Variants in COL4A6 observed in about 807,000 individuals in gnomAD.
The protein encoded by COL4A6 is collagen alpha-6(IV) chain.
Under a neutral mutation model 126.7 loss-of-function variants are expected in COL4A6, and 59 were observed. The ratio of observed to expected loss-of-function variants is 0.47; its 90% CI spans 0.38 to 0.58. The LOEUF is 0.58. Ranked by LOEUF, COL4A6 falls within the 20% of genes least tolerant of loss-of-function variation. The pLI is 0.00. For missense variants in COL4A6, 1,285 were observed against 1,337.3 expected (o/e 0.96, Z 0.61); for synonymous variants, 547 against 496.6 (o/e 1.10, Z -1.35).
intron 7 of COL4A6, 128 bp from the exon 8 acceptor site, chrX:108,210,132 G>T: frequency 1.6e-6 from 1 of 608,555 alleles, no homozygotes; most frequent in Non-Finnish European, 2.5e-6. Flanking sequence ...TCAAAGTCTT[G>T]TGTTTTAAAT....
chrX:108,341,507 C>T (rs1264659853), intron 2 of COL4A6, among the ~76,000 whole-genome samples: 1 of 110,941 alleles, frequency 9.0e-6, no homozygotes, highest in African/African-American at 3.3e-5. Flanking sequence ...TTTCTTTTGG[C>T]TCTCATTCTC....
At chrX:108,412,791 A>T (rs1746039837) in intron 2 of COL4A6, among the ~76,000 whole-genome samples, 1 of 112,242 alleles carries the variant, frequency 8.9e-6, no homozygotes, top group Non-Finnish European at 1.9e-5. Flanking sequence ...TAACAAAGGC[A>T]TTTCCCTGAC....
At chrX:108,423,745 T>C (rs1300827371) in intron 2 of COL4A6, among the ~76,000 whole-genome samples, 2 of 112,106 alleles carry the variant, frequency 1.8e-5, no homozygotes, top group Non-Finnish European at 3.8e-5. Flanking sequence ...TAATTTTTTG[T>C]ACATATAACT....
intron 2 of COL4A6, among the ~76,000 whole-genome samples, chrX:108,410,302 C>T (rs2041300818): frequency 9.9e-5 from 11 of 111,664 alleles, no homozygotes; most frequent in Admixed American, 9.5e-4. Flanking sequence ...ATTTATTGAA[C>T]ACCTACTCTG....
At chrX:108,376,033 T>G (rs1389196359) in intron 2 of COL4A6, among the ~76,000 whole-genome samples, 3 of 112,219 alleles carry the variant, frequency 2.7e-5, no homozygotes, top group Non-Finnish European at 5.6e-5. Flanking sequence ...AATATTAACT[T>G]ACATCTTTTT....
intron 18 of COL4A6, among the ~76,000 whole-genome samples, chrX:108,191,922 T>G: frequency 2.7e-5 from 3 of 112,109 alleles, no homozygotes. Flanking sequence ...CTGGTGGCTT[T>G]AAAAGTAAAA....
Position 108,169,549 on chromosome X carries a change from T to C in COL4A6, c.3637A>G (p.Ile1213Val), listed in dbSNP as rs753895195. Residue 1213 changes from isoleucine to valine, a missense_variant, in exon 37 of 45, where the codon ATT becomes GTT. Coordinates refer to ENST00000334504, the MANE Select transcript of COL4A6 (RefSeq NM_033641.4). Reference protein sequence around the residue: ...GPKGEKGYPGIGIGAPGKPGL... With the variant: ...GPKGEKGYPGVGIGAPGKPGL... ...GGCTTCCCTGGAGCTCCGATGCCAA[T>C]TCCTGGATATCCTTTTTCTCCTTTG... The C allele has an allele frequency of 1.7e-6, 2 of 1,211,594 alleles. No homozygotes were observed. Among genetic ancestry groups the C allele is most frequent in the Admixed American group, 4.3e-5 (2 of 46,040 alleles).
chrX:108,338,779 C>T (rs747011386), intron 2 of COL4A6, among the ~76,000 whole-genome samples: 2 of 111,874 alleles, frequency 1.8e-5, no homozygotes, highest in East Asian at 5.6e-4. Flanking sequence ...TTGGTTATAC[C>T]TTTGTAAACA....
At chrX:108,331,911 G>C (rs1027942685) in intron 2 of COL4A6, among the ~76,000 whole-genome samples, 1 of 111,235 alleles carries the variant, frequency 9.0e-6, no homozygotes, top group Non-Finnish European at 1.9e-5. Flanking sequence ...AATATGTTGA[G>C]TAGCAGTGAA....
chrX:108,209,822 T>C (rs972414494), intron 8 of COL4A6, 147 bp downstream of exon 8: 2 of 533,144 alleles, frequency 3.8e-6, no homozygotes, highest in Non-Finnish European at 6.0e-6. Context: ...ATTTGGAAAA[T>C]GTCAATACTG....
chrX:108,311,152 G>A (rs1480271899), intron 2 of COL4A6, among the ~76,000 whole-genome samples: 2 of 111,897 alleles, frequency 1.8e-5, no homozygotes, highest in Non-Finnish European at 3.8e-5. Flanking sequence ...TGTGAAAACA[G>A]GTGTCCAGTG....
chrX:108,384,742 ACTC>A (rs2040645008), intron 2 of COL4A6, among the ~76,000 whole-genome samples: 4 of 111,630 alleles, frequency 3.6e-5, no homozygotes, highest in Admixed American at 9.5e-5. Context: ...GTAAATGTCG[ACTC>A]TCAACTGCTC....
intron 3 of COL4A6, among the ~76,000 whole-genome samples, chrX:108,281,490 A>G (rs1165391742): frequency 9.4e-6 from 1 of 106,145 alleles, no homozygotes; most frequent in Non-Finnish European, 1.9e-5. Flanking sequence ...TCAAGGAAAT[A>G]AAAGAGGACA....
At chrX:108,284,425 G>A (rs1397651044) in intron 3 of COL4A6, among the ~76,000 whole-genome samples, 4 of 111,516 alleles carry the variant, frequency 3.6e-5, no homozygotes, top group Non-Finnish European at 3.8e-5. Flanking sequence ...AAACCTGCAT[G>A]TTCTGCACAT....
At chrX:108,408,710 C>T (rs1176859536) in intron 2 of COL4A6, among the ~76,000 whole-genome samples, 2 of 111,457 alleles carry the variant, frequency 1.8e-5, no homozygotes, top group African/African-American at 3.3e-5. Context: ...GCCTGTAATC[C>T]CAGCACTTTG....
chrX:108,284,547 A>G (rs773372234), intron 3 of COL4A6, among the ~76,000 whole-genome samples: 1 of 112,352 alleles, frequency 8.9e-6, no homozygotes, highest in Admixed American at 9.4e-5. Flanking sequence ...ACAAAACAAA[A>G]CAAACTACCA....
chrX:108,194,615 G>C, intron 15 of COL4A6, 28 bp from the exon 16 acceptor site: 1 of 1,183,899 alleles, frequency 8.4e-7, no homozygotes, highest in African/African-American at 1.7e-5. Flanking sequence ...TTACCACTAA[G>C]TGGAAAGTAT....
intron 2 of COL4A6, among the ~76,000 whole-genome samples, chrX:108,316,505 C>T (rs2038883618): frequency 9.0e-6 from 1 of 111,484 alleles, no homozygotes; most frequent in African/African-American, 3.3e-5. Context: ...GAAGGCCTTG[C>T]TTATAAGGGG....
At chrX:108,191,741 C>G (rs1290324983) in intron 18 of COL4A6, among the ~76,000 whole-genome samples, 2 of 111,567 alleles carry the variant, frequency 1.8e-5, no homozygotes, top group African/African-American at 6.5e-5. Context: ...GAAACATGAT[C>G]AGGGGCCCAG....
Sources: allele counts gnomAD v4.1 joint callset (sites outside exome capture counted in the v4.1 genomes callset), GRCh38; gene constraint gnomAD v4.1.1; transcripts MANE v1.5; gene names NCBI Gene and HGNC (gene_info 2026-07-23, HGNC 2026-07-21).